The following ENPEP variants were observed in gnomAD, a reference collection of about 807,000 sequenced individuals.
ENPEP encodes AP-A.
In ENPEP, 103 loss-of-function variants were observed where a neutral mutation model predicts 114.5. The observed-to-expected ratio is 0.90, with a 90% CI of 0.77 to 1.06. The LOEUF (loss-of-function observed/expected upper bound fraction) is 1.06. Ranked by LOEUF, ENPEP falls within the 50% of genes least tolerant of loss-of-function variation. The pLI is 0.00. For synonymous variants in ENPEP, 420 were observed against 422.0 expected (o/e 1.00, Z 0.06); for missense variants, 1,196 against 1,161.3 (o/e 1.03, Z -0.43).
At position 110,563,205 on chromosome 4, in the gene ENPEP, A is replaced by G. The variant is rs185207804; in HGVS notation, c.*1647A>G. The G allele has an allele frequency of 6.6e-6, 1 of 152,280 alleles. No homozygotes were observed. Among genetic ancestry groups the G allele is most frequent in the African/African-American group, 2.4e-5 (1 of 41,560 alleles). The allele number at this position is 152,280 out of a possible 1,614,324, so 9.4% of individuals were successfully genotyped here. On this transcript the variant is annotated 3_prime_UTR_variant, in exon 20 of 20. Transcript: ENST00000265162. ...CAATCAGAACCAGCACTTGAAGTCT[A>G]TGTATTGTTTCAAGTAGGACATATT...
intron 10 of ENPEP, among the ~76,000 whole-genome samples, chr4:110,525,640 A>T (rs1726167873): frequency 6.8e-6 from 1 of 147,900 alleles, no homozygotes; most frequent in African/African-American, 2.4e-5. Flanking sequence ...AGAATAACAC[A>T]AAAAGATGTT....
chr4:110,556,417 C>G (rs1318616062), intron 18 of ENPEP, among the ~76,000 whole-genome samples: 1 of 151,978 alleles, frequency 6.6e-6, no homozygotes, highest in Non-Finnish European at 1.5e-5. Flanking sequence ...TTGTGGGTGT[C>G]TTTTCATGTC....
intron 11 of ENPEP, among the ~76,000 whole-genome samples, chr4:110,532,388 G>A (rs1726440152): frequency 6.6e-6 from 1 of 152,078 alleles, no homozygotes; most frequent in African/African-American, 2.4e-5. Context: ...TTTTCAATTA[G>A]CATAACGATT....
At chr4:110,532,620 TA>T (rs201285660) in intron 11 of ENPEP, among the ~76,000 whole-genome samples, 92 of 151,162 alleles carry the variant, frequency 6.1e-4, no homozygotes, top group African/African-American at 1.5e-3. Flanking sequence ...TTGGGCCTTT[TA>T]AAAAAAAACG....
intron 11 of ENPEP, among the ~76,000 whole-genome samples, chr4:110,538,146 C>T (rs1368973975): frequency 6.6e-6 from 1 of 152,140 alleles, no homozygotes; most frequent in African/African-American, 2.4e-5. Flanking sequence ...AGAGAGTCAA[C>T]CTGTCCTTTG....
rs1350530697 is a variant in ENPEP, at chr4:110,562,687, T to C, written c.*1129T>C. On this transcript the variant is annotated 3_prime_UTR_variant, in exon 20 of 20. Transcript: ENST00000265162. ...TGCATGACTTGATTAAAGACATCAA[T>C]TTCATAGAAGCTGGTGGCAAGAATA... 2 of 152,278 alleles carry C rather than the reference T, an allele frequency of 1.3e-5. No homozygotes were observed. Among genetic ancestry groups the C allele is most frequent in the East Asian group, 3.9e-4 (2 of 5,186 alleles). 9.4% of individuals were successfully genotyped at this position (152,278 alleles called of 1,614,324 possible).
At chr4:110,552,303 G>T (rs1380700165) in intron 17 of ENPEP, among the ~76,000 whole-genome samples, 1 of 152,138 alleles carries the variant, frequency 6.6e-6, no homozygotes, top group Admixed American at 6.6e-5. Flanking sequence ...TTCACATGTG[G>T]CATGGACTTT....
intron 3 of ENPEP, among the ~76,000 whole-genome samples, chr4:110,500,511 G>T (rs1250109235): frequency 2.6e-5 from 4 of 152,014 alleles, no homozygotes; most frequent in African/African-American, 9.7e-5. Context: ...ATGAAAGTTA[G>T]GTTCTTGAAG....
chr4:110,491,203 A>G (rs1244667686), intron 3 of ENPEP, 39 bp downstream of exon 3: 4 of 1,505,552 alleles, frequency 2.7e-6, no homozygotes, highest in Non-Finnish European at 3.5e-6. Flanking sequence ...CCACCTATGC[A>G]TTTGTAATTA....
At chr4:110,528,235 G>A (rs1234675420) in intron 10 of ENPEP, among the ~76,000 whole-genome samples, 1 of 152,008 alleles carries the variant, frequency 6.6e-6, no homozygotes. Context: ...TATATGCATA[G>A]GAAAAGAGAC....
Position 110,506,652 on chromosome 4 carries a change from C to A in ENPEP, c.934C>A (p.Gln312Lys). ...NSGKPLTIYV[Q>K]PEQKHTAEYA... Reference sequence around the variant, plus strand: ...TGTTTAATAGCTTACAATTTATGTCCAGCCAGAGCAAAAGCACACAGCCGA... The same window carrying A: ...TGTTTAATAGCTTACAATTTATGTCAAGCCAGAGCAAAAGCACACAGCCGA... The change falls in exon 4 of 20, where the codon CAG becomes AAG. Residue 312 changes from glutamine (Q) to lysine (K), a missense_variant. Coordinates refer to ENST00000265162, the MANE Select transcript of ENPEP (RefSeq NM_001977.4). The A allele has an allele frequency of 3.1e-6, 5 of 1,602,730 alleles. No homozygotes were observed. In the East Asian group the frequency reaches 1.1e-4, roughly 36 times the overall value.
At chr4:110,489,794 T>A (rs1290224985) in intron 2 of ENPEP, among the ~76,000 whole-genome samples, 2 of 152,142 alleles carry the variant, frequency 1.3e-5, no homozygotes, top group Non-Finnish European at 2.9e-5. Flanking sequence ...GGTATAATAA[T>A]CAGAAGGACA....
At chr4:110,506,779 T>A (rs1321875389) in intron 4 of ENPEP, 22 bp downstream of exon 4, 11 of 1,475,924 alleles carry the variant, frequency 7.5e-6, no homozygotes, top group Non-Finnish European at 9.2e-6. Flanking sequence ...TTTTTAATTT[T>A]CTTATTTTTA....
intron 3 of ENPEP, among the ~76,000 whole-genome samples, chr4:110,501,441 T>C (rs998487051): frequency 6.6e-6 from 1 of 152,176 alleles, no homozygotes; most frequent in Non-Finnish European, 1.5e-5. Flanking sequence ...CCTCCCTCTC[T>C]ACTTTCAAGT....
At chr4:110,483,556 T>C (rs1313541045) in intron 1 of ENPEP, among the ~76,000 whole-genome samples, 3 of 152,168 alleles carry the variant, frequency 2.0e-5, no homozygotes, top group Non-Finnish European at 4.4e-5. Context: ...GTCACCTTGA[T>C]CTGATCCACT....
intron 13 of ENPEP, among the ~76,000 whole-genome samples, chr4:110,543,624 T>G (rs2110387979): frequency 6.6e-6 from 1 of 151,776 alleles, no homozygotes; most frequent in Non-Finnish European, 1.5e-5. Context: ...TTGGAAGAAC[T>G]AAGTAGTATC....
intron 11 of ENPEP, among the ~76,000 whole-genome samples, chr4:110,539,347 C>T (rs928747404): frequency 6.6e-6 from 1 of 152,122 alleles, no homozygotes; most frequent in Non-Finnish European, 1.5e-5. Flanking sequence ...CTAATACTTT[C>T]TTGAATGGGT....
intron 17 of ENPEP, among the ~76,000 whole-genome samples, chr4:110,552,856 G>A (rs1194492306): frequency 6.6e-6 from 1 of 152,038 alleles, no homozygotes; most frequent in Admixed American, 6.6e-5. Flanking sequence ...CTAGGGAAGA[G>A]CAAACAACTG....
At chr4:110,559,540 A>C (rs1201320045) in intron 18 of ENPEP, 107 bp from the exon 19 acceptor site, 1 of 798,840 alleles carries the variant, frequency 1.3e-6, no homozygotes, top group African/African-American at 1.8e-5. Context: ...GCTTACTTTG[A>C]AAGTTACTTT....
Sources: gnomAD v4.1 joint callset for allele counts (sites outside exome capture counted in the v4.1 genomes callset) on GRCh38, gnomAD v4.1.1 for gene constraint, MANE v1.5 for transcripts, NCBI Gene and HGNC (gene_info 2026-07-23, HGNC 2026-07-21) for gene names.